Variants in OR51G2 observed in about 807,000 individuals in gnomAD.
The protein encoded by OR51G2 is olfactory receptor 51G2.
A neutral mutation model predicts 11.8 loss-of-function variants in OR51G2; 13 were observed. That is an observed-to-expected ratio of 1.10 (90% CI 0.72 to 1.76). The LOEUF (loss-of-function observed/expected upper bound fraction) is 1.76. Ranked by LOEUF, OR51G2 falls within the 40% of genes most tolerant of loss-of-function variation. The probability of loss-of-function intolerance (pLI) is 0.00; values close to 1 mark genes in which losing one functional copy is unlikely to be tolerated. For missense variants in OR51G2, 474 were observed against 394.4 expected (o/e 1.20, Z -1.71); for synonymous variants, 178 against 151.9 (o/e 1.17, Z -1.26).
Position 4,914,892 on chromosome 11 carries a change from T to C in OR51G2, c.772A>G (p.Thr258Ala), listed in dbSNP as rs1851052353. 6.2e-7 allele frequency: 1 copy of C among 1,613,798 alleles called. No homozygotes were observed. Among genetic ancestry groups the C allele is most frequent in the Non-Finnish European group, 8.5e-7 (1 of 1,179,958 alleles). The change falls in exon 2 of 2, where the codon ACT becomes GCT. Residue 258 changes from threonine (T) to alanine (A), a missense_variant. Physicochemically the swap from Thr to Ala is moderately conservative, Grantham distance 58. Coordinates refer to ENST00000641926, the MANE Select transcript of OR51G2 (RefSeq NM_001005238.2). ...SHICAVLLFY[T>A]PMIGLSVIHR... ...ATGACAGAGAGGCCAATCATGGGAG[T>C]GTAGAAGAGCAGCACAGCACAGATG...
rs1330430451 is a variant in OR51G2, at chr11:4,915,398, A to G, written c.266T>C (p.Ile89Thr). Residue 89 changes from isoleucine to threonine, a missense_variant, in exon 2 of 2, where the codon ATC becomes ACC. Coordinates refer to ENST00000641926, the MANE Select transcript of OR51G2 (RefSeq NM_001005238.2). ...SLCTLPTVLGIFWVGAREISH... is the reference protein window; with the variant it reads ...SLCTLPTVLGTFWVGAREISH... Reference sequence around the variant, plus strand: ...AATTTCTCGTGCTCCAACCCAAAAGATGCCCAGGACTGTAGGGAGAGTGCA... The same window carrying G: ...AATTTCTCGTGCTCCAACCCAAAAGGTGCCCAGGACTGTAGGGAGAGTGCA... The G allele has an allele frequency of 1.2e-6, 2 of 1,614,070 alleles. No individual in the cohort carries two copies. The highest frequency in any genetic ancestry group is 2.2e-5 in the East Asian group (1 of 44,824).
At position 4,914,440 on chromosome 11, in the gene OR51G2, A is replaced by ATGAGGAG; in HGVS notation, c.*278_*279insCTCCTCA. 2.9e-6 allele frequency: 1 copy of ATGAGGAG among 350,564 alleles called. No individual in the cohort carries two copies. The highest frequency in any genetic ancestry group is 5.2e-6 in the Non-Finnish European group (1 of 192,628). 21.7% of individuals were successfully genotyped at this position (350,564 alleles called of 1,614,324 possible). On this transcript the variant is annotated 3_prime_UTR_variant, in exon 2 of 2. Transcript: ENST00000641926. ...TTCAAGGGGAGAAGAAGTAGACCCT[A>ATGAGGAG]TCTCTTTATGAGGAGTAGCAAGTTC... is the stretch of plus-strand genomic sequence containing the variant.
Position 4,915,112 on chromosome 11 carries a change from A to G in OR51G2, c.552T>C (p.Cys184=), listed in dbSNP as rs774534294. The G allele has an allele frequency of 6.2e-7, 1 of 1,614,064 alleles. No homozygotes were observed. Among genetic ancestry groups the G allele is most frequent in the Admixed American group, 1.7e-5 (1 of 60,014 alleles). Residue 184 remains cysteine, a synonymous_variant, in exon 2 of 2, where the codon TGT becomes TGC. Coordinates refer to ENST00000641926, the MANE Select transcript of OR51G2 (RefSeq NM_001005238.2). ...CGSPVLSHSY[C]LHQEVMKLAC... is the part of the protein sequence containing the mutation. ...CCAATTTCATCACTTCTTGGTGGAG[A>G]CAATAAGAATGTGAGAGAACTGGGG...
At position 4,915,053 on chromosome 11, in the gene OR51G2, C is replaced by T. The variant is rs1335585717; in HGVS notation, c.611G>A (p.Gly204Asp). Residue 204 changes from glycine to aspartate, a missense_variant, in exon 2 of 2, where the codon GGC becomes GAC. Coordinates refer to ENST00000641926, the MANE Select transcript of OR51G2 (RefSeq NM_001005238.2). ...CACTGTAGAGACGATGACAAACATG[C>T]CGTAGATGCTGTTGGCCTTCATGTC... is the stretch of plus-strand genomic sequence containing the variant. ...CADMKANSIYGMFVIVSTVGI... is the reference protein window; with the variant it reads ...CADMKANSIYDMFVIVSTVGI... The T allele has an allele frequency of 3.7e-6, 6 of 1,614,030 alleles. No individual in the cohort carries two copies. The highest frequency in any genetic ancestry group is 1.3e-5 in the African/African-American group (1 of 75,028).
Position 4,915,755 on chromosome 11 carries a change from GA to G in OR51G2, c.-76-17del. ...GTGATTGCACCTGGTGGAAATTAAA[GA>G]AAAAAAATAGAATCAAATATACCTA... is the stretch of plus-strand genomic sequence containing the variant. On this transcript the variant is annotated splice_polypyrimidine_tract_variant and intron_variant, in intron 1 of 1. Transcript: ENST00000641926. 1.1e-5 allele frequency: 9 copies of G among 785,686 alleles called. No homozygotes were observed. Among genetic ancestry groups the G allele is most frequent in the Non-Finnish European group, 1.6e-5 (8 of 492,068 alleles). The allele number at this position is 785,686 out of a possible 1,614,324, so 48.7% of individuals were successfully genotyped here. A position where few individuals can be genotyped will look rare whatever the true frequency, so the allele number is the denominator to read the frequency against.
rs1851066104 is a variant in OR51G2 at position 4,915,337 on chromosome 11, A to C, written c.327T>G (p.Ile109Met). Residue 109 changes from isoleucine (I) to methionine (M), a missense_variant, in exon 2 of 2, where the codon ATT (isoleucine) becomes ATG (methionine). Coordinates refer to ENST00000641926, the MANE Select transcript of OR51G2 (RefSeq NM_001005238.2). ...AGGACTCGAGGAAGGAGAAGCAGTG[A>C]ATGAAAAAGAGCTGAGCAAAGCAGG... ...HDACFAQLFF[I>M]HCFSFLESSV... The C allele has an allele frequency of 6.2e-7, 1 of 1,613,910 alleles. No individual in the cohort carries two copies. Among genetic ancestry groups the C allele is most frequent in the Non-Finnish European group, 8.5e-7 (1 of 1,180,008 alleles).
chr11:4,914,978 G>A lies in OR51G2; in HGVS notation c.686C>T (p.Thr229Ile), dbSNP rs1320171570. 3.1e-6 allele frequency: 5 copies of A among 1,614,140 alleles called. No homozygotes were observed. In the East Asian group the frequency reaches 1.1e-4, roughly 36 times the overall value. Residue 229 changes from threonine (T) to isoleucine (I), a missense_variant, in exon 2 of 2, where the codon ACC becomes ATC. Physicochemically the swap from Thr to Ile is moderately conservative, Grantham distance 89 (BLOSUM62 -1). Transcript: ENST00000641926. ...AGCCCTGGAGGCGATGGACAGCACG[G>A]TGCGCAGGATCAGAGCATAAGAGAA... ...ILFSYALILRTVLSIASRAER... is the reference protein window; with the variant it reads ...ILFSYALILRIVLSIASRAER...
In OR51G2 at chr11:4,914,598, A is replaced by G. The variant is rs1279255390; in HGVS notation, c.*121T>C. 2.1e-5 allele frequency: 15 copies of G among 699,010 alleles called. No individual in the cohort carries two copies. The highest frequency in any genetic ancestry group is 3.1e-5 in the Non-Finnish European group (13 of 416,380). 43.3% of individuals were successfully genotyped at this position (699,010 alleles called of 1,614,324 possible). Reference sequence around the variant, plus strand: ...GAGGGTTCTGTAAGGACTGTAACTCATCCCTGTACATGTTTGTTGAGTAAG... The same window carrying G: ...GAGGGTTCTGTAAGGACTGTAACTCGTCCCTGTACATGTTTGTTGAGTAAG... On this transcript the variant is annotated 3_prime_UTR_variant, in exon 2 of 2. Transcript: ENST00000641926.
rs1851055062 is a variant in OR51G2, at chr11:4,914,980, G to A, written c.684C>T (p.Arg228=). The A allele has an allele frequency of 6.2e-7, 1 of 1,614,022 alleles. No homozygotes were observed. The highest frequency in any genetic ancestry group is 1.1e-5 in the South Asian group (1 of 91,086). Residue 228 remains arginine, a synonymous_variant, in exon 2 of 2, where the codon CGC becomes CGT. Coordinates refer to ENST00000641926, the MANE Select transcript of OR51G2 (RefSeq NM_001005238.2). ...LILFSYALIL[R]TVLSIASRAE... is the part of the protein sequence containing the mutation. ...CCCTGGAGGCGATGGACAGCACGGT[G>A]CGCAGGATCAGAGCATAAGAGAAGA...
In OR51G2 at chr11:4,915,607, C is replaced by T. The variant is rs1471525001; in HGVS notation, c.57G>A (p.Leu19=). 1 of 1,613,938 alleles carries T rather than the reference C, an allele frequency of 6.2e-7. No individual in the cohort carries two copies. Among genetic ancestry groups the T allele is most frequent in the African/African-American group, 1.3e-5 (1 of 74,900 alleles). ...SSSSVSATFL[L]SGIPGLERMH... The stretch of plus-strand genomic sequence containing the variant: ...TGCGCTCCAGCCCAGGGATGCCACT[C>T]AGCAGGAAGGTAGCAGAAACGCTGC... The change falls in exon 2 of 2, where the codon CTG becomes CTA. Residue 19 remains leucine (L), a synonymous_variant. Coordinates refer to ENST00000641926, the MANE Select transcript of OR51G2 (RefSeq NM_001005238.2).
chr11:4,916,182 G>T (rs1262042727), intron 1 of OR51G2, among the ~76,000 whole-genome samples: 1 of 152,070 alleles, frequency 6.6e-6, no homozygotes, highest in Non-Finnish European at 1.5e-5. Context: ...TGGGAGGAGG[G>T]AGAATTCAGC....
rs762223257 is a variant in OR51G2 at position 4,914,789 on chromosome 11, A to G, written c.875T>C (p.Met292Thr). The G allele has an allele frequency of 1.2e-6, 2 of 1,614,024 alleles. No individual in the cohort carries two copies. The highest frequency in any genetic ancestry group is 3.3e-5 in the Admixed American group (2 of 60,014). Residue 292 changes from methionine to threonine, a missense_variant, in exon 2 of 2, where the codon ATG becomes ACG. Physicochemically the swap from Met to Thr is moderately conservative, Grantham distance 81. Transcript: ENST00000641926. ...CTTCACACTGTAGACAATGGGATTC[A>G]TCACAGGAGGAAAGAGAAGATACAT... is the stretch of plus-strand genomic sequence containing the variant. ...GFMYLLFPPV[M>T]NPIVYSVKTK...
At chr11:4,916,073 C>T (rs1463955548) in intron 1 of OR51G2, among the ~76,000 whole-genome samples, 3 of 151,926 alleles carry the variant, frequency 2.0e-5, no homozygotes, top group Non-Finnish European at 4.4e-5. Flanking sequence ...AATCTCAGCA[C>T]TTTGGGAGGC....
chr11:4,915,223 G>A lies in OR51G2; in HGVS notation c.441C>T (p.Gly147=), dbSNP rs1261911210. 6.2e-7 allele frequency: 1 copy of A among 1,613,924 alleles called. No homozygotes were observed. Among genetic ancestry groups the A allele is most frequent in the South Asian group, 1.1e-5 (1 of 91,072 alleles). The change falls in exon 2 of 2, where the codon GGC becomes GGT. Residue 147 remains glycine, a synonymous_variant. Transcript: ENST00000641926. ...GACCCAGAGAGACCAGGCCAATCCT[G>A]CCAATGACTGTGTTGGTGAGAATGG... The part of the protein sequence containing the change: ...YVSILTNTVI[G]RIGLVSLGRS...
chr11:4,915,434 C>T lies in OR51G2; in HGVS notation c.230G>A (p.Gly77Asp). ...TGTAGGGAGAGTGCAAAGGGAGAGA[C>T]CCAGGTCAATCAGAGCCAGCATGGA... ...FLSMLALIDL[G>D]LSLCTLPTVL... is the part of the protein sequence containing the mutation. Residue 77 changes from glycine (G) to aspartate (D), a missense_variant, in exon 2 of 2, where the codon GGT (glycine) becomes GAT (aspartate). Transcript: ENST00000641926. 1 of 1,613,970 alleles carries T rather than the reference C, an allele frequency of 6.2e-7. No individual in the cohort carries two copies. Among genetic ancestry groups the T allele is most frequent in the Non-Finnish European group, 8.5e-7 (1 of 1,179,978 alleles).
chr11:4,917,132 C>G (rs77145981), intron 1 of OR51G2, among the ~76,000 whole-genome samples: 1 of 142,874 alleles, frequency 7.0e-6, no homozygotes, highest in Non-Finnish European at 1.5e-5. Context: ...TGCCCCAGTA[C>G]GCAGCAGATG....
intron 1 of OR51G2, 32 bp downstream of exon 1, chr11:4,919,145 T>A (rs1180590992): frequency 6.6e-6 from 1 of 152,204 alleles, no homozygotes; most frequent in East Asian, 1.9e-4. Flanking sequence ...TGGGATCCCA[T>A]GAAGCCAGCA....
chr11:4,915,209 A>T lies in OR51G2; in HGVS notation c.455T>A (p.Val152Asp). The T allele has an allele frequency of 6.2e-7, 1 of 1,614,000 alleles. No homozygotes were observed. The highest frequency in any genetic ancestry group is 8.5e-7 in the Non-Finnish European group (1 of 1,180,002). ...GAGTGCTACACTACGACCCAGAGAG[A>T]CCAGGCCAATCCTGCCAATGACTGT... ...TNTVIGRIGL[V>D]SLGRSVALIF... Residue 152 changes from valine to aspartate, a missense_variant, in exon 2 of 2, where the codon GTC becomes GAC. By Grantham distance (152) the Val-to-Asp change is radical. Transcript: ENST00000641926.
At chr11:4,917,962 A>G (rs1257821362) in intron 1 of OR51G2, among the ~76,000 whole-genome samples, 1 of 151,132 alleles carries the variant, frequency 6.6e-6, no homozygotes, top group Admixed American at 6.6e-5. Flanking sequence ...CCTAAGGCGG[A>G]AAATATTTTT....
Sources: allele counts gnomAD v4.1 joint callset (sites outside exome capture counted in the v4.1 genomes callset), GRCh38; gene constraint gnomAD v4.1.1; transcripts MANE v1.5; gene names NCBI Gene and HGNC (gene_info 2026-07-23, HGNC 2026-07-21).